The following BMPR1B variants were observed in gnomAD, a reference collection of about 807,000 sequenced individuals.
The protein encoded by BMPR1B is bone morphogenetic protein receptor type-1B.
Under a neutral mutation model 59.1 loss-of-function variants are expected in BMPR1B, and 12 were observed. The observed-to-expected ratio is 0.20, with a 90% CI of 0.13 to 0.33. BMPR1B has a LOEUF of 0.33. Ranked by LOEUF, BMPR1B falls within the 10% of genes least tolerant of loss-of-function variation. The pLI is 1.00. For synonymous variants in BMPR1B, 237 were observed against 207.3 expected (o/e 1.14, Z -1.23); for missense variants, 550 against 610.9 (o/e 0.90, Z 1.05).
At chr4:94,899,671 A>G (rs529940459) in intron 2 of BMPR1B, among the ~76,000 whole-genome samples, 1 of 152,042 alleles carries the variant, frequency 6.6e-6, no homozygotes, top group South Asian at 2.1e-4. Context: ...TTGATGTTTT[A>G]TAACTGGTGT....
At chr4:94,840,906 G>A (rs1476808886) in intron 1 of BMPR1B, among the ~76,000 whole-genome samples, 1 of 146,900 alleles carries the variant, frequency 6.8e-6, no homozygotes, top group African/African-American at 2.5e-5. Context: ...ATCTCCTTTT[G>A]GTCTTTGATG....
At chr4:94,956,833 T>C (rs1730158816) in intron 2 of BMPR1B, among the ~76,000 whole-genome samples, 1 of 152,106 alleles carries the variant, frequency 6.6e-6, no homozygotes, top group Non-Finnish European at 1.5e-5. Flanking sequence ...TCAAAAAGGC[T>C]CAGTTTCAGT....
chr4:95,044,959 G>A (rs1176193664), intron 3 of BMPR1B, among the ~76,000 whole-genome samples: 1 of 152,118 alleles, frequency 6.6e-6, no homozygotes, highest in Admixed American at 6.5e-5. Flanking sequence ...AAATACCAGT[G>A]CAGTTCTGAG....
rs116629440 is a variant in BMPR1B at position 95,093,975 on chromosome 4, A to T, written c.-17-10433A>T. Among the ~76,000 whole-genome samples the T allele has an allele frequency of 1.0e-2, 1,521 of 152,182 alleles. 11 individuals carry two copies. The highest frequency in any genetic ancestry group is 0.016 in the Non-Finnish European group (1,072 of 67,980). ...GGTTGATTACTGCCACACACAAAGTAATCTTCCCTCTTATGCACTCCTGTC... is the reference window on the plus strand; with the variant it reads ...GGTTGATTACTGCCACACACAAAGTTATCTTCCCTCTTATGCACTCCTGTC... On this transcript the variant is annotated intron_variant, in intron 3 of 12. Transcript: ENST00000515059.
intron 1 of BMPR1B, among the ~76,000 whole-genome samples, chr4:94,778,864 A>G (rs1722485385): frequency 1.3e-5 from 2 of 151,674 alleles, no homozygotes; most frequent in African/African-American, 2.4e-5. Context: ...CTGATTTCGT[A>G]TTAGATTGGT....
chr4:95,126,596 A>G (rs990561798), intron 8 of BMPR1B, among the ~76,000 whole-genome samples: 9 of 152,326 alleles, frequency 5.9e-5, no homozygotes, highest in African/African-American at 2.2e-4. Context: ...TGGAGAAGCC[A>G]GGATTCAAAC....
chr4:94,929,784 A>G (rs1243595350), intron 2 of BMPR1B, among the ~76,000 whole-genome samples: 1 of 151,880 alleles, frequency 6.6e-6, no homozygotes, highest in Non-Finnish European at 1.5e-5. Context: ...ACGTCCTATG[A>G]TTTCTGCACG....
At chr4:94,968,038 C>T (rs946037001) in intron 2 of BMPR1B, among the ~76,000 whole-genome samples, 4 of 152,112 alleles carry the variant, frequency 2.6e-5, no homozygotes, top group East Asian at 3.9e-4. Flanking sequence ...TTACTTTTCC[C>T]GTTAGTTACA....
chr4:95,028,711 G>A (rs572815584), intron 3 of BMPR1B, among the ~76,000 whole-genome samples: 22 of 152,180 alleles, frequency 1.4e-4, no homozygotes, highest in Middle Eastern at 3.4e-3. Flanking sequence ...TGCCTTGTTT[G>A]TGGTAGATGT....
intron 3 of BMPR1B, among the ~76,000 whole-genome samples, chr4:95,034,874 G>T (rs775916973): frequency 6.6e-5 from 10 of 152,058 alleles, no homozygotes; most frequent in Non-Finnish European, 1.5e-4. Context: ...TATAGCGGTT[G>T]TACTAGTTTA....
At chr4:95,115,618 A>G in intron 5 of BMPR1B, 67 bp from the exon 6 acceptor site, 1 of 1,327,742 alleles carries the variant, frequency 7.5e-7, no homozygotes, top group South Asian at 1.2e-5. Context: ...CTATTTTTAA[A>G]GTTTTAGATG....
rs1050715238 is a variant in BMPR1B at position 94,836,222 on chromosome 4, A to G, written c.-182-39609A>G. The stretch of plus-strand genomic sequence containing the variant: ...GTGAATAGTGACGCAATAAACATAC[A>G]TGTGCATGTGTCTTTATAGCAGCAT... On this transcript the variant is annotated intron_variant, in intron 1 of 12. Coordinates refer to ENST00000515059, the MANE Select transcript of BMPR1B (RefSeq NM_001203.3). Among the ~76,000 whole-genome samples the G allele has an allele frequency of 5.5e-4, 83 of 151,280 alleles. 1 individual carries two copies. Among genetic ancestry groups the G allele is most frequent in the East Asian group, 1.2e-3 (6 of 5,160 alleles).
At chr4:94,778,237 A>T (rs1722457060) in intron 1 of BMPR1B, among the ~76,000 whole-genome samples, 1 of 151,974 alleles carries the variant, frequency 6.6e-6, no homozygotes, top group Non-Finnish European at 1.5e-5. Context: ...CACTAACCTG[A>T]GTTTTATGTT....
At chr4:95,153,647 G>A (rs112340661) in intron 12 of BMPR1B, among the ~76,000 whole-genome samples, 23,920 of 152,064 alleles carry the variant, frequency 0.16, 2,524 homozygotes, top group Non-Finnish European at 0.23. Flanking sequence ...CCAGAAGTTC[G>A]AGACCAGCCT....
At chr4:95,053,281 T>TTGCGTGTGTGTGTGTGTGTGTGTGTG (rs1726646436) in intron 3 of BMPR1B, among the ~76,000 whole-genome samples, 1 of 134,252 alleles carries the variant, frequency 7.4e-6, no homozygotes, top group Non-Finnish European at 1.6e-5. Context: ...TGCAGGGCAC[T>TTGCGTGTGTGTGTGTGTGTGTGTGTG]TGTGTGTGTG....
chr4:94,834,145 G>C (rs1724706875), intron 1 of BMPR1B, among the ~76,000 whole-genome samples: 1 of 152,124 alleles, frequency 6.6e-6, no homozygotes, highest in Admixed American at 6.6e-5. Flanking sequence ...TTGTTGGCTT[G>C]AGCTGCTTTC....
chr4:94,971,546 C>T (rs924047145), intron 2 of BMPR1B, among the ~76,000 whole-genome samples: 3 of 152,026 alleles, frequency 2.0e-5, no homozygotes, highest in Non-Finnish European at 4.4e-5. Flanking sequence ...TACTTCTCTT[C>T]CTGATCTTAG....
At chr4:95,063,600 AG>A (rs1375317892) in intron 3 of BMPR1B, among the ~76,000 whole-genome samples, 2 of 152,176 alleles carry the variant, frequency 1.3e-5, no homozygotes, top group African/African-American at 4.8e-5. Flanking sequence ...CATTTCTTAG[AG>A]GAGAATATTT....
chr4:94,862,047 A>G (rs1223349754), intron 1 of BMPR1B, among the ~76,000 whole-genome samples: 2 of 151,454 alleles, frequency 1.3e-5, no homozygotes, highest in East Asian at 1.9e-4. Context: ...AGTGCTTACT[A>G]TATGCCACAC....
Sources: gnomAD v4.1 joint callset for allele counts (sites outside exome capture counted in the v4.1 genomes callset) on GRCh38, gnomAD v4.1.1 for gene constraint, MANE v1.5 for transcripts, NCBI Gene and HGNC (gene_info 2026-07-23, HGNC 2026-07-21) for gene names.